The following PCDHGB1 variants were observed in gnomAD, a reference collection of about 807,000 sequenced individuals.
The protein encoded by PCDHGB1 is protocadherin gamma-B1.
A neutral mutation model predicts 56.6 loss-of-function variants in PCDHGB1; 34 were observed. The observed-to-expected ratio is 0.60, with a 90% CI of 0.46 to 0.80. PCDHGB1 has a LOEUF of 0.80. PCDHGB1 is among the 30% of genes least tolerant of loss of function. PCDHGB1 has a pLI of 0.00. For missense variants in PCDHGB1, 1,278 were observed against 1,204.6 expected (o/e 1.06, Z -0.90); for synonymous variants, 561 against 505.9 (o/e 1.11, Z -1.46).
At chr5:141,400,172 C>G in intron 1 of PCDHGB1, 1 of 1,614,082 alleles carries the variant, frequency 6.2e-7, no homozygotes, top group Non-Finnish European at 8.5e-7. Context: ...GACCCCCAGG[C>G]TGAGCTGCAG....
At chr5:141,407,360 A>G (rs1024336863) in intron 1 of PCDHGB1, among the ~76,000 whole-genome samples, 1 of 152,232 alleles carries the variant, frequency 6.6e-6, no homozygotes, top group Non-Finnish European at 1.5e-5. Flanking sequence ...GGAAAACATA[A>G]CAGATATCCA....
intron 1 of PCDHGB1, among the ~76,000 whole-genome samples, chr5:141,369,647 A>G (rs987289952): frequency 1.3e-5 from 2 of 152,064 alleles, no homozygotes; most frequent in Admixed American, 6.6e-5. Context: ...TTTTGGGGGG[A>G]GATAATAAAG....
intron 1 of PCDHGB1, among the ~76,000 whole-genome samples, chr5:141,380,672 T>C (rs1401105927): frequency 1.3e-5 from 2 of 152,212 alleles, no homozygotes; most frequent in Non-Finnish European, 1.5e-5. Context: ...CTCCATAGGG[T>C]ATGTATGCTT....
chr5:141,385,225 G>C, intron 1 of PCDHGB1: 1 of 1,614,232 alleles, frequency 6.2e-7, no homozygotes, highest in Non-Finnish European at 8.5e-7. Context: ...GCCCAACTAT[G>C]TAGACATGCT....
intron 1 of PCDHGB1, among the ~76,000 whole-genome samples, chr5:141,445,264 G>A (rs566395616): frequency 1.4e-4 from 22 of 152,276 alleles, no homozygotes; most frequent in Admixed American, 1.4e-3. Flanking sequence ...AATATAAGTC[G>A]AAACCACTCT....
At chr5:141,475,895 C>A (rs2099379056) in intron 1 of PCDHGB1, 1 of 568,558 alleles carries the variant, frequency 1.8e-6, no homozygotes, top group African/African-American at 1.9e-5. Context: ...ACTCTGTGTG[C>A]CGCTGTCGGC....
intron 1 of PCDHGB1, among the ~76,000 whole-genome samples, chr5:141,406,747 CA>C (rs889749071): frequency 1.2e-4 from 19 of 152,168 alleles, no homozygotes; most frequent in Non-Finnish European, 2.1e-4. Flanking sequence ...TGTGAAATGA[CA>C]AAACAAGGAA....
Position 141,476,035 on chromosome 5 carries a change from C to A in PCDHGB1, c.2410-18772C>A. On this transcript the variant is annotated intron_variant, in intron 1 of 3. Coordinates refer to ENST00000523390, the MANE Select transcript of PCDHGB1 (RefSeq NM_018922.3). This position sits in a 1 kb window ranked among gnomAD's most constrained non-coding sequence, Gnocchi z 7.6. ...CATGTCGGACTCGGCGCCCAGCGCCCAAGCGCTAACCCGCTGAAAGTTTCT... is the reference window on the plus strand; with the variant it reads ...CATGTCGGACTCGGCGCCCAGCGCCAAAGCGCTAACCCGCTGAAAGTTTCT... The A allele has an allele frequency of 1.4e-6, 2 of 1,466,592 alleles. No individual in the cohort carries two copies. The highest frequency in any genetic ancestry group is 1.8e-6 in the Non-Finnish European group (2 of 1,102,494). 90.8% of individuals were successfully genotyped at this position (1,466,592 alleles called of 1,614,324 possible). A position where few individuals can be genotyped will look rare whatever the true frequency, so the allele number is the denominator to read the frequency against.
chr5:141,431,032 C>T lies in PCDHGB1; in HGVS notation c.2410-63775C>T. 1 of 1,614,008 alleles carries T rather than the reference C, an allele frequency of 6.2e-7. No individual in the cohort carries two copies. The highest frequency in any genetic ancestry group is 2.2e-5 in the East Asian group (1 of 44,848). On this transcript the variant is annotated intron_variant, in intron 1 of 3. Transcript: ENST00000523390. This position sits in a 1 kb window ranked among gnomAD's most constrained non-coding sequence, Gnocchi z 4.8. ...GCTTGGTCACGGCGGGCAGGATAGA[C>T]CGGGAGGAGCTCTGTATGGGGGCCA...
At chr5:141,446,169 C>A (rs920519501) in intron 1 of PCDHGB1, among the ~76,000 whole-genome samples, 1 of 152,014 alleles carries the variant, frequency 6.6e-6, no homozygotes, top group African/African-American at 2.4e-5. Flanking sequence ...TTCATGAGGG[C>A]AGGGGGTGTT....
intron 1 of PCDHGB1, among the ~76,000 whole-genome samples, chr5:141,446,961 GA>G (rs1466390366): frequency 2.0e-5 from 3 of 152,070 alleles, no homozygotes; most frequent in Admixed American, 1.3e-4. Context: ...AGCACCCAGG[GA>G]AATTTGCTGT....
intron 1 of PCDHGB1, chr5:141,478,342 G>T (rs1489278202): frequency 6.2e-7 from 1 of 1,613,862 alleles, no homozygotes; most frequent in Non-Finnish European, 8.5e-7. Flanking sequence ...GGCCCTCCTT[G>T]CACGCGGACG....
chr5:141,460,511 A>G (rs533913282), intron 1 of PCDHGB1, among the ~76,000 whole-genome samples: 2 of 152,286 alleles, frequency 1.3e-5, no homozygotes, highest in Admixed American at 1.3e-4. Context: ...TGAGAAGGCT[A>G]TCTTTTCCCC....
chr5:141,368,654 A>G (rs1278983703), intron 1 of PCDHGB1, among the ~76,000 whole-genome samples: 1 of 152,204 alleles, frequency 6.6e-6, no homozygotes, highest in Admixed American at 6.5e-5. Flanking sequence ...GCAATGGAAA[A>G]ATATCTTTAA....
intron 1 of PCDHGB1, among the ~76,000 whole-genome samples, chr5:141,447,984 G>C (rs1300057273): frequency 6.6e-6 from 1 of 151,952 alleles, no homozygotes; most frequent in African/African-American, 2.4e-5. Context: ...TACTCGGGAG[G>C]CTGAGGCATG....
rs1267965791 is a variant in PCDHGB1, at chr5:141,431,329, G to C, written c.2410-63478G>C. 1 of 1,614,002 alleles carries C rather than the reference G, an allele frequency of 6.2e-7. No individual in the cohort carries two copies. Among genetic ancestry groups the C allele is most frequent in the East Asian group, 2.2e-5 (1 of 44,904 alleles). On this transcript the variant is annotated intron_variant, in intron 1 of 3. Coordinates refer to ENST00000523390, the MANE Select transcript of PCDHGB1 (RefSeq NM_018922.3). The surrounding 1 kb of genome is among the most constrained non-coding windows in gnomAD (Gnocchi z 4.8). ...TGCAAAATGGAGCCGACGGTAGTAA[G>C]TACCCCGAATTGGTGCTGAAACGCG...
chr5:141,370,689 A>G (rs1275146563), intron 1 of PCDHGB1: 1 of 1,613,814 alleles, frequency 6.2e-7, no homozygotes, highest in East Asian at 2.2e-5. Context: ...TTGTGGCAAG[A>G]AGTCGACGTG....
chr5:141,400,863 T>G (rs370697957), intron 1 of PCDHGB1, among the ~76,000 whole-genome samples: 1 of 152,250 alleles, frequency 6.6e-6, no homozygotes. Context: ...TGTATGTAGA[T>G]AAACCATTAA....
chr5:141,414,592 G>T, intron 1 of PCDHGB1: 1 of 1,613,920 alleles, frequency 6.2e-7, no homozygotes, highest in Non-Finnish European at 8.5e-7. Flanking sequence ...CGCCAGGGGT[G>T]CCTCCATCTT....
Sources: gnomAD v4.1 joint callset for allele counts (sites outside exome capture counted in the v4.1 genomes callset) on GRCh38, gnomAD v4.1.1 for gene constraint, Gnocchi (gnomAD v3.1) non-coding constraint, MANE v1.5 for transcripts, NCBI Gene and HGNC (gene_info 2026-07-23, HGNC 2026-07-21) for gene names.